Variants in SBF1 observed in about 807,000 individuals in gnomAD.
The protein encoded by SBF1 is SET binding factor 1, also known as myotubularin-related protein 5.
In SBF1, 65 loss-of-function variants were observed where a neutral mutation model predicts 215.8. The ratio of observed to expected loss-of-function variants is 0.30; its 90% CI spans 0.25 to 0.37. The LOEUF (loss-of-function observed/expected upper bound fraction) is 0.37. SBF1 is among the 10% of genes least tolerant of loss of function. The pLI, the probability that SBF1 is intolerant of heterozygous loss-of-function variation, is 1.00. For missense variants in SBF1, 2,634 were observed against 2,667.8 expected (o/e 0.99, Z 0.28); for synonymous variants, 1,410 against 1,122.8 (o/e 1.26, Z -5.11).
intron 22 of SBF1, 47 bp from the exon 23 acceptor site, chr22:50,461,333 G>C (rs756408972): frequency 1.9e-6 from 3 of 1,564,920 alleles, no homozygotes; most frequent in South Asian, 1.2e-5. Flanking sequence ...GTAAGGGGGG[G>C]GGGGTCCCAG....
At position 50,466,575 on chromosome 22, in the gene SBF1, G is replaced by A. The variant is rs1260352939; in HGVS notation, c.655+30C>T. 4.6e-6 allele frequency: 7 copies of A among 1,535,406 alleles called. No homozygotes were observed. In the East Asian group the frequency reaches 9.8e-5, roughly 22 times the overall value. ...CCTAACTACCAGTCCCCGAGGGGAA[G>A]CCATGCGGGGGTGGGACAGACAGGC... is the stretch of plus-strand genomic sequence containing the variant. On this transcript the variant is annotated intron_variant, in intron 6 of 40. Coordinates refer to ENST00000380817, the MANE Select transcript of SBF1 (RefSeq NM_002972.4).
intron 1 of SBF1, among the ~76,000 whole-genome samples, chr22:50,473,427 G>A (rs1253470850): frequency 2.0e-5 from 3 of 152,166 alleles, no homozygotes; most frequent in Non-Finnish European, 4.4e-5. Context: ...CAGCCAACCT[G>A]CACAGTGGGG....
chr22:50,466,471 C>A lies in SBF1; in HGVS notation c.667G>T (p.Val223Leu). 1 of 1,547,736 alleles carries A rather than the reference C, an allele frequency of 6.5e-7. No individual in the cohort carries two copies. The highest frequency in any genetic ancestry group is 8.7e-7 in the Non-Finnish European group (1 of 1,144,116). Residue 223 changes from valine (V) to leucine (L), a missense_variant, in exon 7 of 41, where the codon GTG (valine) becomes TTG (leucine). Val to Leu is a conservative substitution (Grantham distance 32). Coordinates refer to ENST00000380817, the MANE Select transcript of SBF1 (RefSeq NM_002972.4). ...AGGGCGGCACAGAACAAAGACAGCA[C>A]GTTGGTGATGCCTAAAGGAAGAAGA... ...LLFRQLGITN[V>L]LSLFCAALTE...
intron 5 of SBF1, 141 bp from the exon 6 acceptor site, chr22:50,466,851 G>A (rs906129734): frequency 4.4e-5 from 27 of 615,370 alleles, no homozygotes; most frequent in South Asian, 2.6e-4. Context: ...CATGGCAAGA[G>A]GGAAACGCCA....
chr22:50,474,749 C>T (rs748219224), intron 1 of SBF1, 37 bp downstream of exon 1: 3 of 1,456,054 alleles, frequency 2.1e-6, no homozygotes, highest in South Asian at 2.6e-5. Flanking sequence ...ACTCGACCCT[C>T]GGCCCCCGGC....
At chr22:50,464,273 T>C in intron 15 of SBF1, 56 bp downstream of exon 15, 1 of 1,403,584 alleles carries the variant, frequency 7.1e-7, no homozygotes, top group Non-Finnish European at 1.0e-6. Context: ...AAGTGCAGCC[T>C]GGGTCTCCTC....
chr22:50,449,659 C>G (rs1603430445), intron 36 of SBF1, among the ~76,000 whole-genome samples: 1 of 151,010 alleles, frequency 6.6e-6, no homozygotes, highest in Admixed American at 6.6e-5. Context: ...CACACACACC[C>G]CAAAATGGGA....
At chr22:50,455,676 G>A in intron 31 of SBF1, 94 bp from the exon 32 acceptor site, 1 of 1,043,062 alleles carries the variant, frequency 9.6e-7, no homozygotes, top group Non-Finnish European at 1.4e-6. Flanking sequence ...ACAGGCAGCG[G>A]GGAGGCAGGC....
At chr22:50,472,996 C>T (rs781654439) in intron 1 of SBF1, among the ~76,000 whole-genome samples, 2 of 152,168 alleles carry the variant, frequency 1.3e-5, no homozygotes, top group Admixed American at 6.5e-5. Context: ...TGGGCTCCAG[C>T]CTTCTACCCT....
chr22:50,459,812 C>G (rs1011548143), intron 26 of SBF1, 140 bp downstream of exon 26: 1 of 1,325,578 alleles, frequency 7.5e-7, no homozygotes, highest in Non-Finnish European at 1.0e-6. Flanking sequence ...CACCCCCCAG[C>G]CCTGTGGCCC....
chr22:50,453,583 C>A (rs756006293), intron 36 of SBF1, among the ~76,000 whole-genome samples: 1 of 152,128 alleles, frequency 6.6e-6, no homozygotes, highest in Non-Finnish European at 1.5e-5. Flanking sequence ...GTCAGGAGAT[C>A]GAGACCATCC....
intron 5 of SBF1, 57 bp downstream of exon 5, chr22:50,467,281 A>G: frequency 2.1e-6 from 3 of 1,434,498 alleles, no homozygotes; most frequent in Middle Eastern, 2.0e-4. Context: ...AATACCTACC[A>G]GGGCCCCAGC....
In SBF1 at chr22:50,459,935, C is replaced by A. The variant is rs1315182532; in HGVS notation, c.3491+17G>T. 6.2e-6 allele frequency: 10 copies of A among 1,613,058 alleles called. No homozygotes were observed. The South Asian group carries it at 1.1e-4, about 18-fold the overall frequency. ...GTCACGTGTCCACCACCCGGGCCAG[C>A]CCTGGCCGGCCCTCACCTGCGGCAG... On this transcript the variant is annotated intron_variant, in intron 26 of 40. Transcript: ENST00000380817.
At chr22:50,451,998 A>G (rs2067065469) in intron 36 of SBF1, among the ~76,000 whole-genome samples, 1 of 151,844 alleles carries the variant, frequency 6.6e-6, no homozygotes, top group African/African-American at 2.4e-5. Flanking sequence ...GTTTCACCAT[A>G]TTTGCCAGGC....
chr22:50,457,192 G>C, intron 28 of SBF1, 81 bp from the exon 29 acceptor site: 1 of 1,183,980 alleles, frequency 8.4e-7, no homozygotes. Flanking sequence ...CAGGTCAGAG[G>C]GTTCCACCAA....
rs138179693 is a variant in SBF1 at position 50,471,996 on chromosome 22, C to A, written c.55+2790G>T. On this transcript the variant is annotated intron_variant, in intron 1 of 40. Coordinates refer to ENST00000380817, the MANE Select transcript of SBF1 (RefSeq NM_002972.4). ...TGGAAGGCCGATGGCCAGGTCAGGG[C>A]CAGATCAAATGTGTCTCCTGTTCTC... Among the ~76,000 whole-genome samples the A allele has an allele frequency of 1.6e-3, 247 of 152,340 alleles. 2 individuals carry two copies. Among genetic ancestry groups the A allele is most frequent in the South Asian group, 0.01 (50 of 4,828 alleles).
rs770061123 is a variant in SBF1 at position 50,455,428 on chromosome 22, G to C, written c.4369-19C>G. ...ATACCACCTGCCAGCACCGCCAGGA[G>C]GTCAGCGAGGAGCCCGGGAGCCTGG... On this transcript the variant is annotated intron_variant, in intron 32 of 40. Coordinates refer to ENST00000380817, the MANE Select transcript of SBF1 (RefSeq NM_002972.4). 9.3e-6 allele frequency: 15 copies of C among 1,612,348 alleles called. No individual in the cohort carries two copies. The South Asian group carries it at 1.2e-4, about 13-fold the overall frequency.
At chr22:50,458,569 G>A (rs1193829593) in intron 28 of SBF1, among the ~76,000 whole-genome samples, 3 of 152,206 alleles carry the variant, frequency 2.0e-5, no homozygotes, top group African/African-American at 7.2e-5. Flanking sequence ...TAAAATGTAA[G>A]TATATAATGT....
At position 50,456,549 on chromosome 22, in the gene SBF1, GC is replaced by G; in HGVS notation, c.4028del (p.Gly1343AlafsTer43). 1.3e-6 allele frequency: 2 copies of G among 1,586,966 alleles called. No homozygotes were observed. Among genetic ancestry groups the G allele is most frequent in the South Asian group, 1.1e-5 (1 of 87,122 alleles). ...GGGCTGCTCGCTGCGGACGCAGGAA[GC>G]CCGGGTCGGGAGGGCCCCCGTTGGC... ...PQANGGPPDP[G>X]FLRPQRAALY... On this transcript the variant is annotated frameshift_variant, in exon 30 of 41. Transcript: ENST00000380817. LOFTEE classifies it high-confidence loss of function.
Sources: gnomAD v4.1 joint callset for allele counts (sites outside exome capture counted in the v4.1 genomes callset) on GRCh38, gnomAD v4.1.1 for gene constraint, MANE v1.5 for transcripts, NCBI Gene and HGNC (gene_info 2026-07-23, HGNC 2026-07-21) for gene names.